DMD: variants seen among roughly 807,000 people sequenced by gnomAD.
DMD encodes the protein mutant dystrophin.
A neutral mutation model predicts 330.1 loss-of-function variants in DMD; 63 were observed. That is an observed-to-expected ratio of 0.19 (90% CI 0.16 to 0.24). The LOEUF is 0.24. Ranked by LOEUF, DMD falls within the 10% of genes least tolerant of loss-of-function variation. DMD has a pLI of 1.00. For missense variants in DMD, 3,344 were observed against 2,684.1 expected, an observed-to-expected ratio of 1.25 and a Z score of -5.43; for synonymous variants, 1,223 against 959.8, an observed-to-expected ratio of 1.27 and a Z score of -5.07.
intron 52 of DMD, among the ~76,000 whole-genome samples, chrX:31,708,552 T>C (rs770072180): frequency 8.9e-6 from 1 of 111,955 alleles, no homozygotes; most frequent in South Asian, 3.7e-4. Flanking sequence ...GCATAAATAA[T>C]TCCATATCCT....
intron 60 of DMD, among the ~76,000 whole-genome samples, chrX:31,382,476 T>C (rs1038602484): frequency 1.8e-5 from 2 of 111,679 alleles, no homozygotes; most frequent in African/African-American, 6.5e-5. Flanking sequence ...ACAGCTGATA[T>C]CTCTTGGTGC....
chrX:31,665,370 C>T (rs961800115), intron 53 of DMD, among the ~76,000 whole-genome samples: 3 of 111,842 alleles, frequency 2.7e-5, no homozygotes, highest in Non-Finnish European at 3.8e-5. Flanking sequence ...AATTAATGTT[C>T]TATAAATCCT....
At position 33,105,361 on chromosome X, in the gene DMD, G is replaced by A. The variant is rs755557079; in HGVS notation, c.32-85161C>T. On this transcript the variant is annotated intron_variant, in intron 1 of 78. Coordinates refer to ENST00000357033, the MANE Select transcript of DMD (RefSeq NM_004006.3). The stretch of plus-strand genomic sequence containing the variant: ...CCTAGGAAAAACTCTCCTGGACATT[G>A]GCCTAGGTAAAGAATTTATGACCAA... 2.7e-5 allele frequency among the ~76,000 whole-genome samples: 3 copies of A among 111,632 alleles called. No individual in the cohort carries two copies. The South Asian group carries it at 1.1e-3, about 41-fold the overall frequency.
intron 76 of DMD, among the ~76,000 whole-genome samples, chrX:31,141,755 T>G (rs1301548157): frequency 1.8e-5 from 2 of 111,514 alleles, no homozygotes; most frequent in Non-Finnish European, 3.8e-5. Flanking sequence ...ATTTATAATT[T>G]TATCCAGAAG....
intron 55 of DMD, among the ~76,000 whole-genome samples, chrX:31,559,853 A>G (rs2075097640): frequency 9.0e-6 from 1 of 110,562 alleles, no homozygotes; most frequent in African/African-American, 3.3e-5. Flanking sequence ...TCTTTGAGGC[A>G]TCATCATGAA....
At chrX:31,324,634 C>G (rs2056650396) in intron 61 of DMD, among the ~76,000 whole-genome samples, 1 of 111,504 alleles carries the variant, frequency 9.0e-6, no homozygotes, top group South Asian at 3.8e-4. Flanking sequence ...AAGACGCATT[C>G]TTATTAATAT....
chrX:32,902,878 C>G (rs1001558622), intron 2 of DMD, among the ~76,000 whole-genome samples: 3 of 109,686 alleles, frequency 2.7e-5, no homozygotes, highest in Non-Finnish European at 5.7e-5. Flanking sequence ...GAAATTTGGC[C>G]AGGTGCGGTG....
At chrX:31,890,974 T>C (rs12688891) in intron 47 of DMD, among the ~76,000 whole-genome samples, 1 of 112,305 alleles carries the variant, frequency 8.9e-6, no homozygotes, top group Non-Finnish European at 1.9e-5. Flanking sequence ...ATTCATATTG[T>C]TGCAATTTGA....
chrX:32,148,317 A>G (rs1286516652), intron 44 of DMD, among the ~76,000 whole-genome samples: 1 of 111,855 alleles, frequency 8.9e-6, no homozygotes, highest in Admixed American at 9.5e-5. Flanking sequence ...TGACTACATC[A>G]GAAGATATTA....
At position 33,041,334 on chromosome X, in the gene DMD, G is replaced by A. The variant is rs1303036110; in HGVS notation, c.32-21134C>T. ...AAGCCTAAATAGCTACCGCCTCTGC[G>A]CGTCGCCCTCCACGGTTACCCCGGC... On this transcript the variant is annotated intron_variant, in intron 1 of 78. Transcript: ENST00000357033. The A allele has an allele frequency of 4.4e-6, 5 of 1,128,989 alleles. No homozygotes were observed. In the African/African-American group the frequency reaches 7.2e-5, roughly 16 times the overall value. 93.0% of individuals were successfully genotyped at this position (1,128,989 alleles called of 1,213,427 possible).
At chrX:32,725,233 T>A (rs2066739220) in intron 7 of DMD, among the ~76,000 whole-genome samples, 1 of 111,309 alleles carries the variant, frequency 9.0e-6, no homozygotes, top group African/African-American at 3.3e-5. Flanking sequence ...TTTGACAGTA[T>A]GGCTTGAGAG....
At chrX:32,016,140 G>T (rs751306298) in intron 44 of DMD, among the ~76,000 whole-genome samples, 2 of 111,996 alleles carry the variant, frequency 1.8e-5, no homozygotes, top group East Asian at 5.6e-4. Flanking sequence ...TATGCAATCT[G>T]CAGTCATGAA....
chrX:31,336,858 T>G (rs985474547), intron 61 of DMD, among the ~76,000 whole-genome samples: 20 of 111,264 alleles, frequency 1.8e-4, no homozygotes, highest in African/African-American at 5.9e-4. Flanking sequence ...TGGCAGCAAA[T>G]GCATATACAG....
At chrX:31,724,129 C>T (rs17283259) in intron 52 of DMD, among the ~76,000 whole-genome samples, 15,174 of 111,674 alleles carry the variant, frequency 0.14, 891 homozygotes, top group Admixed American at 0.31. Flanking sequence ...GTAGCTATAA[C>T]AGGTTGACAG....
At chrX:32,730,052 G>T (rs1203119947) in intron 7 of DMD, among the ~76,000 whole-genome samples, 1 of 111,948 alleles carries the variant, frequency 8.9e-6, no homozygotes, top group Non-Finnish European at 1.9e-5. Context: ...TGTAACGTGG[G>T]CCAGGCACAA....
At chrX:32,496,364 G>T (rs2043485253) in intron 19 of DMD, among the ~76,000 whole-genome samples, 1 of 111,941 alleles carries the variant, frequency 8.9e-6, no homozygotes, top group Admixed American at 9.5e-5. Context: ...AGTCTAAAAT[G>T]TAATATAGAG....
chrX:32,867,457 T>A (rs1252855578), intron 2 of DMD, among the ~76,000 whole-genome samples: 1 of 111,842 alleles, frequency 8.9e-6, no homozygotes, highest in Non-Finnish European at 1.9e-5. Context: ...AAAGAAAAAA[T>A]TTAAAATTGC....
intron 44 of DMD, among the ~76,000 whole-genome samples, chrX:32,159,499 T>G (rs745839028): frequency 8.9e-6 from 1 of 112,324 alleles, no homozygotes; most frequent in South Asian, 3.7e-4. Context: ...TTATCACTGG[T>G]GCCATCATTG....
chrX:32,170,070 T>C (rs1430158090), intron 44 of DMD, among the ~76,000 whole-genome samples: 2 of 111,693 alleles, frequency 1.8e-5, no homozygotes, highest in South Asian at 3.7e-4. Flanking sequence ...CTTTTTTTTC[T>C]AGTTTCCATC....
Sources: gnomAD v4.1 joint callset for allele counts (sites outside exome capture counted in the v4.1 genomes callset) on GRCh38, gnomAD v4.1.1 for gene constraint, MANE v1.5 for transcripts, NCBI Gene and HGNC (gene_info 2026-07-23, HGNC 2026-07-21) for gene names.